Variants in HSPA4L observed in about 807,000 individuals in gnomAD.
The protein encoded by HSPA4L is heat shock 70 kDa protein 4L.
HSPA4L carries 48 observed loss-of-function variants against 100.3 expected under a neutral mutation model. That is an observed-to-expected ratio of 0.48 (90% CI 0.38 to 0.61). The LOEUF (loss-of-function observed/expected upper bound fraction) is 0.61. Ranked by LOEUF, HSPA4L falls within the 20% of genes least tolerant of loss-of-function variation. The pLI is 0.00. For missense variants in HSPA4L, 886 were observed against 988.6 expected (o/e 0.90, Z 1.39); for synonymous variants, 319 against 328.2 (o/e 0.97, Z 0.30).
intron 10 of HSPA4L, among the ~76,000 whole-genome samples, chr4:127,806,112 G>A (rs1320563552): frequency 2.0e-5 from 3 of 151,836 alleles, no homozygotes; most frequent in African/African-American, 7.2e-5. Context: ...TAGTTTATCT[G>A]TCCAGTCATT....
chr4:127,792,863 G>A (rs1732914663), intron 1 of HSPA4L, among the ~76,000 whole-genome samples: 1 of 152,188 alleles, frequency 6.6e-6, no homozygotes, highest in East Asian at 1.9e-4. Context: ...AAAGGAGTGA[G>A]AGCACCAGCC....
upstream of HSPA4L, chr4:127,782,226 T>TGGCTCGGGCGCGGAGCGGA (rs1477915175): frequency 7.7e-6 from 3 of 392,126 alleles, no homozygotes; most frequent in South Asian, 4.3e-5. Context: ...GGCCCGGAGC[T>TGGCTCGGGCGCGGAGCGGA]GGCTCGGGCG....
At chr4:127,788,702 G>A (rs373234794) in intron 1 of HSPA4L, among the ~76,000 whole-genome samples, 1 of 152,274 alleles carries the variant, frequency 6.6e-6, no homozygotes, top group African/African-American at 2.4e-5. Context: ...TCACAACTGA[G>A]GTCTAAAGAG....
intron 10 of HSPA4L, among the ~76,000 whole-genome samples, 182 bp downstream of exon 10, chr4:127,805,975 T>G (rs556463415): frequency 2.6e-5 from 4 of 152,150 alleles, no homozygotes; most frequent in African/African-American, 7.2e-5. Flanking sequence ...ATTTTTAAAT[T>G]TATGTTTTTT....
chr4:127,815,693 C>T (rs1027532291), intron 12 of HSPA4L, among the ~76,000 whole-genome samples: 3 of 151,832 alleles, frequency 2.0e-5, no homozygotes, highest in African/African-American at 7.3e-5. Flanking sequence ...CTTCTATGCA[C>T]TAGGGATACA....
chr4:127,825,559 C>T (rs929551098), intron 16 of HSPA4L, among the ~76,000 whole-genome samples: 2 of 152,004 alleles, frequency 1.3e-5, no homozygotes, highest in Non-Finnish European at 2.9e-5. Context: ...ATTAGAAAAC[C>T]TAAGTTTATG....
intron 5 of HSPA4L, 100 bp downstream of exon 5, chr4:127,801,337 G>A (rs1490890269): frequency 2.5e-6 from 2 of 815,146 alleles, no homozygotes; most frequent in East Asian, 2.8e-5. Context: ...TCCAAGGCAA[G>A]AGGATTGCTT....
chr4:127,790,587 C>T (rs1033967179), intron 1 of HSPA4L, among the ~76,000 whole-genome samples: 2 of 152,148 alleles, frequency 1.3e-5, no homozygotes, highest in African/African-American at 4.8e-5. Context: ...TTTAATTTGA[C>T]CATCACTTTT....
At chr4:127,821,138 T>A (rs1421063337) in intron 14 of HSPA4L, among the ~76,000 whole-genome samples, 3 of 152,164 alleles carry the variant, frequency 2.0e-5, no homozygotes, top group Non-Finnish European at 4.4e-5. Context: ...TCAGCTGGCA[T>A]TAAAAGGTCA....
intron 1 of HSPA4L, among the ~76,000 whole-genome samples, chr4:127,788,220 A>G (rs1732771993): frequency 6.6e-6 from 1 of 152,144 alleles, no homozygotes. Flanking sequence ...TAATTTATTT[A>G]TGATTACCTT....
intron 3 of HSPA4L, among the ~76,000 whole-genome samples, chr4:127,796,775 AG>A (rs1196061403): frequency 6.6e-6 from 1 of 152,216 alleles, no homozygotes; most frequent in East Asian, 1.9e-4. Flanking sequence ...ACAAATTCAT[AG>A]AAACAAAGTC....
chr4:127,834,122 A>G lies in HSPA4L; in HGVS notation c.*1248A>G, dbSNP rs1734152705. ...GTGCTTCATCACCCAACTTGTTCAC[A>G]TTGTTAATTTCTGTCCAGAGACCTG... On this transcript the variant is annotated 3_prime_UTR_variant, in exon 19 of 19. Coordinates refer to ENST00000296464, the MANE Select transcript of HSPA4L (RefSeq NM_014278.4). 1 of 152,186 alleles carries G rather than the reference A, an allele frequency of 6.6e-6. No homozygotes were observed. Among genetic ancestry groups the G allele is most frequent in the Non-Finnish European group, 1.5e-5 (1 of 68,004 alleles). 9.4% of individuals were successfully genotyped at this position (152,186 alleles called of 1,614,324 possible).
intron 17 of HSPA4L, among the ~76,000 whole-genome samples, chr4:127,830,074 C>A (rs1734041210): frequency 1.3e-5 from 2 of 152,128 alleles, no homozygotes; most frequent in South Asian, 4.2e-4. Flanking sequence ...TTCTTACATT[C>A]TCTTTCCCTT....
rs1158564666 is a variant in HSPA4L at position 127,840,382 on chromosome 4, C to T, written c.*7508C>T. On this transcript the variant is annotated 3_prime_UTR_variant, in exon 19 of 19. Coordinates refer to ENST00000296464, the MANE Select transcript of HSPA4L (RefSeq NM_014278.4). ...TTTCTCAGTTTGTTTTCAATACAAA[C>T]AGCAACCACTGAAATGCAGAAAATG... is the stretch of plus-strand genomic sequence containing the variant. The T allele has an allele frequency of 3.9e-5, 6 of 152,114 alleles. No individual in the cohort carries two copies. The highest frequency in any genetic ancestry group is 1.3e-4 in the Admixed American group (2 of 15,278). The allele number at this position is 152,114 out of a possible 1,614,324, so 9.4% of individuals were successfully genotyped here.
upstream of HSPA4L, chr4:127,782,275 C>A: frequency 2.2e-6 from 1 of 449,562 alleles, no homozygotes; most frequent in East Asian, 4.6e-5. Context: ...CAGCCGAGCG[C>A]GCAGGCGCAG....
chr4:127,783,961 T>C (rs1732640719), intron 1 of HSPA4L, among the ~76,000 whole-genome samples: 1 of 152,262 alleles, frequency 6.6e-6, no homozygotes, highest in South Asian at 2.1e-4. Flanking sequence ...ATATTTTCAA[T>C]ACATGGGCAT....
chr4:127,782,087 T>G, upstream of HSPA4L: 1 of 454,984 alleles, frequency 2.2e-6, no homozygotes, highest in South Asian at 1.6e-5. Flanking sequence ...TCCCCGATCC[T>G]CCCCGCCCCG....
At chr4:127,799,076 A>G (rs1252338055) in intron 4 of HSPA4L, among the ~76,000 whole-genome samples, 1 of 152,190 alleles carries the variant, frequency 6.6e-6, no homozygotes, top group Non-Finnish European at 1.5e-5. Context: ...ATCAGGGGAA[A>G]AAAAAGATCT....
At chr4:127,815,426 C>T (rs1449639352) in intron 12 of HSPA4L, among the ~76,000 whole-genome samples, 2 of 151,360 alleles carry the variant, frequency 1.3e-5, no homozygotes, top group East Asian at 1.9e-4. Context: ...TGGTTTGTGC[C>T]TATAGTTACA....
Sources: gnomAD v4.1 joint callset for allele counts (sites outside exome capture counted in the v4.1 genomes callset) on GRCh38, gnomAD v4.1.1 for gene constraint, MANE v1.5 for transcripts, NCBI Gene and HGNC (gene_info 2026-07-23, HGNC 2026-07-21) for gene names.